The following CEP57L1 variants were observed in gnomAD, a reference collection of about 807,000 sequenced individuals.
CEP57L1 encodes the protein centrosomal protein 57 like 1, also known as centrosomal protein CEP57L1.
A neutral mutation model predicts 61.0 loss-of-function variants in CEP57L1; 37 were observed. The observed-to-expected ratio is 0.61, with a 90% CI of 0.47 to 0.80. CEP57L1 has a LOEUF of 0.80. CEP57L1 is among the 30% of genes least tolerant of loss of function. The pLI, the probability that CEP57L1 is intolerant of heterozygous loss-of-function variation, is 0.00. For synonymous variants in CEP57L1, 137 were observed against 162.3 expected, an observed-to-expected ratio of 0.84 and a Z score of 1.19; for missense variants, 422 against 524.7, an observed-to-expected ratio of 0.80 and a Z score of 1.91.
chr6:109,108,676 A>G (rs1771216623), intron 1 of CEP57L1, among the ~76,000 whole-genome samples: 1 of 152,216 alleles, frequency 6.6e-6, no homozygotes, highest in Admixed American at 6.5e-5. Flanking sequence ...AAATAAATTC[A>G]TGCAAATTGT....
rs752031974 is a variant in CEP57L1 at position 109,167,603 on chromosome 6, G to A, written c.*4633G>A. Among the ~76,000 whole-genome samples, 1 of 152,070 alleles carries A rather than the reference G, an allele frequency of 6.6e-6. No homozygotes were observed. Among genetic ancestry groups the A allele is most frequent in the Non-Finnish European group, 1.5e-5 (1 of 68,012 alleles). Reference sequence around the variant, plus strand: ...GAGGCAGGATAATTGCTTGAACCTGGGAGGCAGAGGTTGCGGTGAGCCGAG... The same window carrying A: ...GAGGCAGGATAATTGCTTGAACCTGAGAGGCAGAGGTTGCGGTGAGCCGAG... On this transcript the variant is annotated 3_prime_UTR_variant, in exon 11 of 11. Coordinates refer to ENST00000517392, the MANE Select transcript of CEP57L1 (RefSeq NM_001271852.3).
intron 1 of CEP57L1, among the ~76,000 whole-genome samples, chr6:109,140,188 G>A (rs1771193604): frequency 6.6e-6 from 1 of 151,908 alleles, no homozygotes; most frequent in African/African-American, 2.4e-5. Flanking sequence ...CGCCTTCCGG[G>A]TTCAAGCGAT....
At chr6:109,133,240 G>A (rs1189823154) in intron 1 of CEP57L1, among the ~76,000 whole-genome samples, 1 of 152,148 alleles carries the variant, frequency 6.6e-6, no homozygotes, top group African/African-American at 2.4e-5. Context: ...GATGCGGCAG[G>A]GGTAAGGGGA....
chr6:109,139,998 CA>C (rs1466217104), intron 1 of CEP57L1, among the ~76,000 whole-genome samples: 4 of 152,282 alleles, frequency 2.6e-5, no homozygotes, highest in African/African-American at 9.6e-5. Context: ...TAGTAAGTGG[CA>C]GATTCAGGAT....
At chr6:109,159,511 G>A (rs1773540356) in intron 9 of CEP57L1, 49 bp downstream of exon 9, 2 of 1,551,044 alleles carry the variant, frequency 1.3e-6, no homozygotes, top group Non-Finnish European at 1.8e-6. Flanking sequence ...GTCTCGCTAT[G>A]TTGCCCAGGC....
intron 1 of CEP57L1, among the ~76,000 whole-genome samples, chr6:109,103,097 A>C (rs1309144498): frequency 6.6e-6 from 1 of 152,274 alleles, no homozygotes; most frequent in South Asian, 2.1e-4. Context: ...AGGTTGCAAA[A>C]ATCAACCTGT....
intron 1 of CEP57L1, among the ~76,000 whole-genome samples, chr6:109,114,716 C>A (rs77124210): frequency 6.6e-6 from 1 of 151,810 alleles, no homozygotes; most frequent in African/African-American, 2.4e-5. Context: ...AGTTGTAGGG[C>A]GTGGACAGGG....
Position 109,167,457 on chromosome 6 carries a change from C to T in CEP57L1, c.*4487C>T, listed in dbSNP as rs1489135987. ...CAGCACTGTGAGAGGCCGAGGCAGG[C>T]GGATCACCTAAGTCAGGAGTTCAAC... is the stretch of plus-strand genomic sequence containing the variant. On this transcript the variant is annotated 3_prime_UTR_variant, in exon 11 of 11. Transcript: ENST00000517392. Among the ~76,000 whole-genome samples, 3 of 151,988 alleles carry T rather than the reference C, an allele frequency of 2.0e-5. No homozygotes were observed. Among genetic ancestry groups the T allele is most frequent in the Non-Finnish European group, 2.9e-5 (2 of 67,970 alleles).
intron 2 of CEP57L1, 75 bp from the exon 3 acceptor site, chr6:109,146,683 T>C: frequency 1.9e-6 from 2 of 1,031,156 alleles, no homozygotes; most frequent in African/African-American, 1.7e-5. Flanking sequence ...ATACTGCTTA[T>C]TTTTCTTATG....
intron 1 of CEP57L1, among the ~76,000 whole-genome samples, chr6:109,126,995 G>A (rs539557294): frequency 5.3e-5 from 8 of 152,004 alleles, no homozygotes; most frequent in African/African-American, 7.2e-5. Flanking sequence ...GTGAAACCCC[G>A]TCTCTACTAA....
At chr6:109,124,513 A>G (rs997098452) in intron 1 of CEP57L1, among the ~76,000 whole-genome samples, 1 of 152,222 alleles carries the variant, frequency 6.6e-6, no homozygotes, top group African/African-American at 2.4e-5. Context: ...ACCTTGGATG[A>G]AACAGTTTTT....
chr6:109,116,825 G>A (rs537779443), intron 1 of CEP57L1, among the ~76,000 whole-genome samples: 2 of 152,104 alleles, frequency 1.3e-5, no homozygotes, highest in African/African-American at 4.8e-5. Context: ...GTTTCTTAAT[G>A]AAAAAATTGG....
intron 3 of CEP57L1, among the ~76,000 whole-genome samples, chr6:109,147,249 A>T (rs1490008182): frequency 6.6e-6 from 1 of 152,112 alleles, no homozygotes. Context: ...CCCGTAATTG[A>T]ATATTTATTT....
chr6:109,142,946 GCTCTCT>G (rs35714375), intron 1 of CEP57L1, among the ~76,000 whole-genome samples: 1,985 of 55,042 alleles, frequency 0.036, 39 homozygotes, highest in East Asian at 0.054. Context: ...TGTCTCTCTT[GCTCTCT>G]CTCTCTCTCT....
chr6:109,169,226 C>CAAAAAAAAAAAA lies in CEP57L1; in HGVS notation c.*6266_*6277dup, dbSNP rs202070350. Among the ~76,000 whole-genome samples, 1 of 67,550 alleles carries CAAAAAAAAAAAA rather than the reference C, an allele frequency of 1.5e-5. No individual in the cohort carries two copies. Among genetic ancestry groups the CAAAAAAAAAAAA allele is most frequent in the Admixed American group, 1.7e-4 (1 of 5,802 alleles). 44.3% of individuals were successfully genotyped at this position (67,550 alleles called of 152,430 possible). A position where few individuals can be genotyped will look rare whatever the true frequency, so the allele number is the denominator to read the frequency against. On this transcript the variant is annotated 3_prime_UTR_variant, in exon 11 of 11. Transcript: ENST00000517392. ...GAGCAGCAGAGTGAGGCTCCATCAG[C>CAAAAAAAAAAAA]AAAAAAAAAAAAAAAAAAAAAGATC...
chr6:109,147,076 T>C, intron 3 of CEP57L1, 139 bp downstream of exon 3: 1 of 591,788 alleles, frequency 1.7e-6, no homozygotes, highest in Non-Finnish European at 2.7e-6. Context: ...TTCTCAGACC[T>C]TTTGATATTT....
At chr6:109,095,245 G>A (rs918363936), upstream of CEP57L1, 21 of 985,444 alleles carry the variant, frequency 2.1e-5, 1 homozygote, top group South Asian at 9.9e-4. Context: ...AGAAGGGGAA[G>A]GAAAAAGTAA....
At chr6:109,124,476 T>G (rs1430300908) in intron 1 of CEP57L1, among the ~76,000 whole-genome samples, 1 of 152,214 alleles carries the variant, frequency 6.6e-6, no homozygotes, top group Non-Finnish European at 1.5e-5. Flanking sequence ...CTGCCAAATC[T>G]TGACTTTGCC....
chr6:109,132,385 AG>A (rs1264404295), intron 1 of CEP57L1, among the ~76,000 whole-genome samples: 42 of 152,322 alleles, frequency 2.8e-4, no homozygotes, highest in African/African-American at 1.0e-3. Flanking sequence ...ACTCTTCTTC[AG>A]TAACTTGCAT....
Sources: allele counts gnomAD v4.1 joint callset (sites outside exome capture counted in the v4.1 genomes callset), GRCh38; gene constraint gnomAD v4.1.1; transcripts MANE v1.5; gene names NCBI Gene and HGNC (gene_info 2026-07-23, HGNC 2026-07-21).